Variants in NRCAM observed in about 807,000 individuals in gnomAD.
NRCAM encodes the protein NgCAM-related cell adhesion molecule.
In NRCAM, 83 loss-of-function variants were observed where a neutral mutation model predicts 156.5. The observed-to-expected ratio is 0.53, with a 90% CI of 0.44 to 0.64. The LOEUF (loss-of-function observed/expected upper bound fraction) is 0.64. NRCAM is among the 30% of genes least tolerant of loss of function. The pLI, the probability that NRCAM is intolerant of heterozygous loss-of-function variation, is 0.00. For synonymous variants in NRCAM, 538 were observed against 563.9 expected (o/e 0.95, Z 0.65); for missense variants, 1,417 against 1,597.3 (o/e 0.89, Z 1.92).
chr7:108,342,040 G>A (rs570237843), intron 2 of NRCAM, among the ~76,000 whole-genome samples: 1 of 152,192 alleles, frequency 6.6e-6, no homozygotes, highest in Non-Finnish European at 1.5e-5. Context: ...AAGATCCTTC[G>A]AACCCAACGT....
chr7:108,407,666 T>C (rs955575340), intron 1 of NRCAM, among the ~76,000 whole-genome samples: 2 of 152,218 alleles, frequency 1.3e-5, no homozygotes, highest in African/African-American at 4.8e-5. Context: ...AGAAGTTATG[T>C]GCTTACCCAG....
At chr7:108,190,170 T>C (rs1470743536) in intron 19 of NRCAM, among the ~76,000 whole-genome samples, 1 of 152,184 alleles carries the variant, frequency 6.6e-6, no homozygotes, top group Non-Finnish European at 1.5e-5. Context: ...AAAATTCAAA[T>C]GTTCTTTCTA....
chr7:108,423,467 T>G (rs1241773300), intron 1 of NRCAM, among the ~76,000 whole-genome samples: 1 of 152,040 alleles, frequency 6.6e-6, no homozygotes, highest in East Asian at 1.9e-4. Flanking sequence ...CATGAGTGAA[T>G]GACGAGATAA....
chr7:108,223,132 G>A (rs2092750943), intron 11 of NRCAM, among the ~76,000 whole-genome samples: 3 of 152,116 alleles, frequency 2.0e-5, no homozygotes, highest in Non-Finnish European at 4.4e-5. Context: ...AATAAGCCAG[G>A]ACAAGACTGC....
intron 2 of NRCAM, among the ~76,000 whole-genome samples, chr7:108,387,260 T>C (rs1053800378): frequency 2.0e-5 from 3 of 152,128 alleles, no homozygotes; most frequent in Non-Finnish European, 2.9e-5. Flanking sequence ...ACCTTATTAA[T>C]AGGGACTAAA....
At position 108,232,316 on chromosome 7, in the gene NRCAM, T is replaced by C; in HGVS notation, c.427+10A>G. 6.3e-7 allele frequency: 1 copy of C among 1,587,564 alleles called. No individual in the cohort carries two copies. Among genetic ancestry groups the C allele is most frequent in the East Asian group, 2.3e-5 (1 of 43,884 alleles). Reference sequence around the variant, plus strand: ...AAAAGGGTCATGTTGGTTGACAAGTTTCCACTTACTGGATGGGCGGACAAC... The same window carrying C: ...AAAAGGGTCATGTTGGTTGACAAGTCTCCACTTACTGGATGGGCGGACAAC... On this transcript the variant is annotated intron_variant, in intron 7 of 32. Coordinates refer to ENST00000379028, the MANE Select transcript of NRCAM (RefSeq NM_001037132.4).
At chr7:108,163,236 A>G (rs2050461429) in intron 30 of NRCAM, among the ~76,000 whole-genome samples, 1 of 152,192 alleles carries the variant, frequency 6.6e-6, no homozygotes, top group African/African-American at 2.4e-5. Context: ...AAAGAACATG[A>G]AAACAGAAAA....
At chr7:108,429,836 G>C (rs901302942) in intron 1 of NRCAM, among the ~76,000 whole-genome samples, 1 of 152,180 alleles carries the variant, frequency 6.6e-6, no homozygotes, top group Non-Finnish European at 1.5e-5. Context: ...AATAGAAAAT[G>C]AAAACACTAC....
intron 26 of NRCAM, 137 bp downstream of exon 26, chr7:108,177,853 C>A (rs571612132): frequency 1.1e-5 from 7 of 608,978 alleles, no homozygotes; most frequent in African/African-American, 9.3e-5. Context: ...GATGAATATG[C>A]GAATTCCCCT....
chr7:108,327,444 G>A (rs1333262152), intron 2 of NRCAM, among the ~76,000 whole-genome samples: 1 of 152,122 alleles, frequency 6.6e-6, no homozygotes, highest in Non-Finnish European at 1.5e-5. Flanking sequence ...CTAGGAAAAT[G>A]GCAGAGTGTA....
At chr7:108,168,178 T>C (rs2151896359) in intron 29 of NRCAM, 99 bp downstream of exon 29, 1 of 1,233,086 alleles carries the variant, frequency 8.1e-7, no homozygotes, top group South Asian at 2.3e-5. Context: ...GATCAAGTTA[T>C]TTTTCAAGAT....
At chr7:108,254,982 T>C (rs2096556290) in intron 3 of NRCAM, among the ~76,000 whole-genome samples, 1 of 152,216 alleles carries the variant, frequency 6.6e-6, no homozygotes, top group South Asian at 2.1e-4. Context: ...TTATTTATAA[T>C]AATGAAAAAT....
At chr7:108,282,611 G>C (rs1342566485) in intron 3 of NRCAM, among the ~76,000 whole-genome samples, 1 of 152,098 alleles carries the variant, frequency 6.6e-6, no homozygotes, top group Non-Finnish European at 1.5e-5. Flanking sequence ...CTGGCAACTG[G>C]CCAAAGCAAC....
intron 1 of NRCAM, among the ~76,000 whole-genome samples, chr7:108,416,346 T>C (rs1021457813): frequency 2.0e-5 from 3 of 152,174 alleles, no homozygotes; most frequent in African/African-American, 7.2e-5. Context: ...CTAGCAAAAT[T>C]GACATGGTTG....
intron 2 of NRCAM, among the ~76,000 whole-genome samples, chr7:108,370,924 T>C (rs2099624392): frequency 6.6e-6 from 1 of 152,162 alleles, no homozygotes; most frequent in Admixed American, 6.6e-5. Context: ...TACATCTGCC[T>C]CCAAAATTTG....
intron 2 of NRCAM, among the ~76,000 whole-genome samples, chr7:108,318,342 G>T (rs1160087713): frequency 6.6e-6 from 1 of 152,050 alleles, no homozygotes; most frequent in African/African-American, 2.4e-5. Flanking sequence ...CCCGCACCTG[G>T]CCAGAAATTC....
At position 108,226,228 on chromosome 7, in the gene NRCAM, A is replaced by G; in HGVS notation, c.701T>C (p.Ile234Thr). 1 of 1,599,144 alleles carries G rather than the reference A, an allele frequency of 6.3e-7. No individual in the cohort carries two copies. Among genetic ancestry groups the G allele is most frequent in the Non-Finnish European group, 8.5e-7 (1 of 1,176,056 alleles). ...CTTACCTGAAATCACCTTCACAGAAATAGGTTGCTTCTGCTGTATGGTTTG... is the reference window on the plus strand; with the variant it reads ...CTTACCTGAAATCACCTTCACAGAAGTAGGTTGCTTCTGCTGTATGGTTTG... ...HTQTIQQKQP[I>T]SVKVISVDEL... The change falls in exon 9 of 33, where the codon ATT (isoleucine) becomes ACT (threonine). Residue 234 changes from isoleucine (I) to threonine (T), a missense_variant. Coordinates refer to ENST00000379028, the MANE Select transcript of NRCAM (RefSeq NM_001037132.4).
At chr7:108,426,947 A>T (rs1476057327) in intron 1 of NRCAM, among the ~76,000 whole-genome samples, 2 of 152,212 alleles carry the variant, frequency 1.3e-5, no homozygotes, top group African/African-American at 4.8e-5. Context: ...CCCATTGTGC[A>T]GTGGGGTACC....
intron 2 of NRCAM, among the ~76,000 whole-genome samples, chr7:108,362,698 CT>C (rs1162853982): frequency 1.3e-5 from 2 of 152,092 alleles, no homozygotes; most frequent in Non-Finnish European, 2.9e-5. Context: ...TAGAAAAATC[CT>C]TGTGGTAATA....
Sources: allele counts gnomAD v4.1 joint callset (sites outside exome capture counted in the v4.1 genomes callset), GRCh38; gene constraint gnomAD v4.1.1; transcripts MANE v1.5; gene names NCBI Gene and HGNC (gene_info 2026-07-23, HGNC 2026-07-21).